Variants in PHTF2 observed in about 807,000 individuals in gnomAD.
PHTF2 encodes putative homeodomain transcription factor 2.
PHTF2 carries 60 observed loss-of-function variants against 101.2 expected under a neutral mutation model. The ratio of observed to expected loss-of-function variants is 0.59; its 90% CI spans 0.48 to 0.73. The LOEUF is 0.73. PHTF2 is among the 30% of genes least tolerant of loss of function. The pLI, the probability that PHTF2 is intolerant of heterozygous loss-of-function variation, is 0.00. For missense variants in PHTF2, 747 were observed against 908.7 expected (o/e 0.82, Z 2.29); for synonymous variants, 311 against 307.3 (o/e 1.01, Z -0.13).
At chr7:77,908,570 T>C (rs1322553702) in intron 7 of PHTF2, among the ~76,000 whole-genome samples, 2 of 152,222 alleles carry the variant, frequency 1.3e-5, no homozygotes, top group African/African-American at 4.8e-5. Context: ...TTAGAGACTA[T>C]GTTGGGTGTT....
chr7:77,800,656 C>T (rs1412467286), intron 1 of PHTF2, among the ~76,000 whole-genome samples: 1 of 152,078 alleles, frequency 6.6e-6, no homozygotes, highest in African/African-American at 2.4e-5. Context: ...TTGGCTGGTC[C>T]ATTTAATGCA....
chr7:77,887,289 C>G (rs975389617), intron 3 of PHTF2, among the ~76,000 whole-genome samples: 1 of 151,724 alleles, frequency 6.6e-6, no homozygotes, highest in African/African-American at 2.4e-5. Flanking sequence ...CAGAAAGCAT[C>G]TAAAGAATAT....
intron 19 of PHTF2, among the ~76,000 whole-genome samples, chr7:77,954,132 G>A (rs558998770): frequency 2.6e-5 from 4 of 151,688 alleles, no homozygotes; most frequent in Non-Finnish European, 5.9e-5. Context: ...GAAGTATTTG[G>A]TTTTTTTTAT....
chr7:77,932,615 A>T (rs1419237166), intron 12 of PHTF2, among the ~76,000 whole-genome samples: 149 of 114,488 alleles, frequency 1.3e-3, no homozygotes, highest in African/African-American at 3.2e-3. Context: ...AGAGAGAGAG[A>T]GAGAGAGTGT....
chr7:77,932,149 CAA>C (rs1428079618), intron 12 of PHTF2, among the ~76,000 whole-genome samples: 1 of 152,080 alleles, frequency 6.6e-6, no homozygotes, highest in East Asian at 1.9e-4. Context: ...TTAGAAAAAA[CAA>C]AGTGGTAATT....
At chr7:77,920,130 A>T in intron 9 of PHTF2, 149 bp from the exon 9 acceptor site, 2 of 559,026 alleles carry the variant, frequency 3.6e-6, no homozygotes, top group South Asian at 5.1e-5. Context: ...GCTGTTAGAT[A>T]TATTTCTAAA....
intron 3 of PHTF2, among the ~76,000 whole-genome samples, chr7:77,884,538 T>A (rs1799666566): frequency 6.6e-6 from 1 of 152,186 alleles, no homozygotes; most frequent in South Asian, 2.1e-4. Context: ...ACTGATAACA[T>A]TTATTTTTTT....
Position 77,799,156 on chromosome 7 carries a change from C to T in PHTF2, c.-36+185C>T, listed in dbSNP as rs576242112. Among the ~76,000 whole-genome samples the T allele has an allele frequency of 3.1e-4, 47 of 152,316 alleles. No individual in the cohort carries two copies. The South Asian group carries it at 8.7e-3, about 28-fold the overall frequency. On this transcript the variant is annotated intron_variant, in intron 1 of 19. Coordinates refer to ENST00000416283, the Ensembl canonical transcript of PHTF2. ...CCCGGCAGTCTCCCGTACCTGAGGG[C>T]CGGGGTCAGCCGCGACCCCTTCTCA...
At position 77,952,864 on chromosome 7, in the gene PHTF2, C is replaced by T. The variant is rs536508047; in HGVS notation, c.2212-905C>T. Among the ~76,000 whole-genome samples, 37 of 152,276 alleles carry T rather than the reference C, an allele frequency of 2.4e-4. No homozygotes were observed. In the South Asian group the frequency reaches 4.8e-3, roughly 20 times the overall value. Reference sequence around the variant, plus strand: ...TTTACAGCCAAGAAATTCTCAAGTCCGCTGATTCAGTCTTTTAAATATCTT... The same window carrying T: ...TTTACAGCCAAGAAATTCTCAAGTCTGCTGATTCAGTCTTTTAAATATCTT... On this transcript the variant is annotated intron_variant, in intron 18 of 19. Coordinates refer to ENST00000416283, the Ensembl canonical transcript of PHTF2.
chr7:77,954,840 C>A lies in PHTF2; in HGVS notation c.2338-18C>A, dbSNP rs766517191. 2 of 1,415,836 alleles carry A rather than the reference C, an allele frequency of 1.4e-6. No homozygotes were observed. Among genetic ancestry groups the A allele is most frequent in the African/African-American group, 1.5e-5 (1 of 64,836 alleles). 87.7% of individuals were successfully genotyped at this position (1,415,836 alleles called of 1,614,324 possible). A position where few individuals can be genotyped will look rare whatever the true frequency, so the allele number is the denominator to read the frequency against. ...TATTAAAACTGGCTTGTCACCACTT[C>A]TATTTTTTTTTTTCTAGCTATGGAA... On this transcript the variant is annotated intron_variant, in intron 19 of 19. Coordinates refer to ENST00000416283, the Ensembl canonical transcript of PHTF2.
chr7:77,817,047 C>A (rs2150505994), intron 1 of PHTF2, among the ~76,000 whole-genome samples: 1 of 152,264 alleles, frequency 6.6e-6, no homozygotes, highest in South Asian at 2.1e-4. Flanking sequence ...GATGTCTCAT[C>A]AATATACTGA....
chr7:77,940,342 G>T, intron 14 of PHTF2, 40 bp downstream of exon 13: 2 of 1,496,294 alleles, frequency 1.3e-6, no homozygotes, highest in Non-Finnish European at 9.0e-7. Flanking sequence ...ATATTTTATC[G>T]TTTTCATAAT....
chr7:77,932,602 AAGAGAG>A (rs777881524), intron 12 of PHTF2, among the ~76,000 whole-genome samples: 4 of 130,062 alleles, frequency 3.1e-5, no homozygotes, highest in South Asian at 2.6e-4. Context: ...GAGAGAGAGA[AAGAGAG>A]AGAGAGAGAG....
chr7:77,850,194 T>TA (rs35229132), intron 2 of PHTF2, among the ~76,000 whole-genome samples: 23,245 of 130,172 alleles, frequency 0.18, 2,503 homozygotes, highest in African/African-American at 0.31. Context: ...CTACAAAATT[T>TA]AAAAAAAAAA....
chr7:77,879,896 G>C (rs1168298338), intron 3 of PHTF2, among the ~76,000 whole-genome samples: 4 of 152,140 alleles, frequency 2.6e-5, no homozygotes, highest in African/African-American at 7.2e-5. Flanking sequence ...AAAGCATCTA[G>C]CCTAACACCT....
intron 1 of PHTF2, among the ~76,000 whole-genome samples, chr7:77,817,282 CATT>C (rs1330068035): frequency 1.3e-5 from 2 of 152,046 alleles, no homozygotes; most frequent in Non-Finnish European, 2.9e-5. Context: ...GATGGTATCT[CATT>C]ATGGTTTTGA....
At chr7:77,801,201 A>G (rs901591905) in intron 1 of PHTF2, among the ~76,000 whole-genome samples, 2 of 152,212 alleles carry the variant, frequency 1.3e-5, no homozygotes, top group Non-Finnish European at 2.9e-5. Flanking sequence ...ATACAGATTG[A>G]GCATCTGTAA....
At chr7:77,916,321 C>T (rs1802922786) in intron 9 of PHTF2, among the ~76,000 whole-genome samples, 1 of 152,162 alleles carries the variant, frequency 6.6e-6, no homozygotes, top group South Asian at 2.1e-4. Flanking sequence ...ATTATTTAAA[C>T]ATCTAAGTCT....
chr7:77,956,914 C>G (rs1380849386), exon 20 of PHTF2: 2 of 152,110 alleles, frequency 1.3e-5, no homozygotes, highest in African/African-American at 4.8e-5. Flanking sequence ...CAGTATACCT[C>G]TCAACAGTTT....
Sources: allele counts gnomAD v4.1 joint callset (sites outside exome capture counted in the v4.1 genomes callset), GRCh38; gene constraint gnomAD v4.1.1; transcripts MANE v1.5; gene names NCBI Gene and HGNC (gene_info 2026-07-23, HGNC 2026-07-21).